CCDC180: variants seen among roughly 807,000 people sequenced by gnomAD.
CCDC180 encodes coiled-coil domain-containing protein 180.
In CCDC180, 154 loss-of-function variants were observed where a neutral mutation model predicts 209.2. The observed-to-expected ratio is 0.74, with a 90% CI of 0.65 to 0.84. The LOEUF (loss-of-function observed/expected upper bound fraction) is 0.84, where lower values mean the gene tolerates loss of function less well. Among genes scored for constraint, CCDC180 ranks in the 40% least tolerant of loss-of-function variants. The pLI is 0.00. For synonymous variants in CCDC180, 778 were observed against 749.1 expected (o/e 1.04, Z -0.63); for missense variants, 1,874 against 1,997.3 (o/e 0.94, Z 1.18).
intron 22 of CCDC180, 99 bp from the exon 23 acceptor site, chr9:97,354,470 G>C: frequency 1.7e-6 from 2 of 1,212,110 alleles, no homozygotes; most frequent in Admixed American, 3.9e-5. Context: ...ACTCTAACCG[G>C]AAGCCTAGAT....
chr9:97,322,136 A>G (rs902812580), intron 11 of CCDC180, among the ~76,000 whole-genome samples: 5 of 152,140 alleles, frequency 3.3e-5, no homozygotes, highest in Non-Finnish European at 5.9e-5. Context: ...AAGGGTGTGG[A>G]TACCTTGGCC....
At chr9:97,316,796 A>G (rs1355695795) in intron 8 of CCDC180, among the ~76,000 whole-genome samples, 1 of 152,178 alleles carries the variant, frequency 6.6e-6, no homozygotes. Flanking sequence ...AACCATCTGA[A>G]GTGACCTTGG....
rs139139121 is a variant in CCDC180 at position 97,374,604 on chromosome 9, C to G, written c.4662C>G (p.Ser1554=). ...TACGAAGGAAACTCGCTGGGCTCTC[C>G]CTGAAGGAAGAGAGTGAGAAACCCC... ...MLIRRKLAGL[S]LKEESEKPLI... is the part of the protein sequence containing the mutation. Residue 1554 remains serine (S), a synonymous_variant, in exon 35 of 37, where the codon TCC becomes TCG. Transcript: ENST00000529487. The G allele has an allele frequency of 5.1e-5, 82 of 1,613,994 alleles. No homozygotes were observed. The African/African-American group carries it at 9.6e-4, about 19-fold the overall frequency.
rs780391825 is a variant in CCDC180, at chr9:97,361,817, C to G, written c.3575C>G (p.Pro1192Arg). 2 of 1,614,192 alleles carry G rather than the reference C, an allele frequency of 1.2e-6. No homozygotes were observed. The highest frequency in any genetic ancestry group is 1.7e-6 in the Non-Finnish European group (2 of 1,180,034). The change falls in exon 27 of 37, where the codon CCT becomes CGT. Residue 1192 changes from proline to arginine, a missense_variant. By Grantham distance (103) the Pro-to-Arg change is moderately radical. Coordinates refer to ENST00000529487, the MANE Select transcript of CCDC180 (RefSeq NM_020893.6). The part of the protein sequence containing the change: ...EEEAKLDVVT[P>R]ESFTQLSRVG... ...GAGGCCAAGCTGGACGTGGTCACCCCTGAGTCCTTCACCCAGCTGAGCCGC... is the reference window on the plus strand; with the variant it reads ...GAGGCCAAGCTGGACGTGGTCACCCGTGAGTCCTTCACCCAGCTGAGCCGC...
chr9:97,367,710 A>G (rs989511219), intron 31 of CCDC180, among the ~76,000 whole-genome samples: 10 of 152,010 alleles, frequency 6.6e-5, no homozygotes, highest in East Asian at 3.9e-4. Context: ...CTGACCTCCA[A>G]TGGTCTGCCT....
chr9:97,363,992 C>G, intron 28 of CCDC180, 59 bp from the exon 29 acceptor site: 1 of 1,530,740 alleles, frequency 6.5e-7, no homozygotes, highest in Non-Finnish European at 9.0e-7. Flanking sequence ...CCTGCAGGCT[C>G]AGACCTGCCT....
In CCDC180 at chr9:97,320,141, C is replaced by G; in HGVS notation, c.1095C>G (p.Pro365=). Residue 365 remains proline (P), a synonymous_variant, in exon 11 of 37, where the codon CCC becomes CCG. Coordinates refer to ENST00000529487, the MANE Select transcript of CCDC180 (RefSeq NM_020893.6). ...TCCTTCCCAGTGACCTCCTGCCCCCCAGTTACAGCAAAACTCAGCTGACTG... is the reference window on the plus strand; with the variant it reads ...TCCTTCCCAGTGACCTCCTGCCCCCGAGTTACAGCAAAACTCAGCTGACTG... ...HLCTICDLLP[P]SYSKTQLTEW... The G allele has an allele frequency of 1.2e-6, 2 of 1,614,148 alleles. No individual in the cohort carries two copies. Among genetic ancestry groups the G allele is most frequent in the Non-Finnish European group, 1.7e-6 (2 of 1,180,024 alleles).
intron 5 of CCDC180, among the ~76,000 whole-genome samples, chr9:97,313,598 G>GA (rs905029441): frequency 6.6e-6 from 1 of 152,230 alleles, no homozygotes; most frequent in Non-Finnish European, 1.5e-5. Context: ...GAGGCCCAGA[G>GA]AGTCTCACCT....
intron 15 of CCDC180, among the ~76,000 whole-genome samples, chr9:97,327,817 T>G (rs764181165): frequency 6.6e-5 from 10 of 152,194 alleles, no homozygotes; most frequent in Non-Finnish European, 1.5e-4. Flanking sequence ...GAAAAGTCTC[T>G]TGTGTGTGTT....
In CCDC180 at chr9:97,354,715, T is replaced by C; in HGVS notation, c.3147+2T>C. 6.2e-7 allele frequency: 1 copy of C among 1,614,208 alleles called. No individual in the cohort carries two copies. The highest frequency in any genetic ancestry group is 8.5e-7 in the Non-Finnish European group (1 of 1,180,038). ...TTGGAGAATGAGTACCTGGACCAGG[T>C]AGGGCCCCCAGCCAGGCCCCAGGCC... is the stretch of plus-strand genomic sequence containing the variant. On this transcript the variant is annotated splice_donor_variant, in intron 23 of 36. Coordinates refer to ENST00000529487, the MANE Select transcript of CCDC180 (RefSeq NM_020893.6). LOFTEE classifies it high-confidence loss of function.
At chr9:97,368,607 A>G (rs1450544435) in intron 31 of CCDC180, among the ~76,000 whole-genome samples, 1 of 152,234 alleles carries the variant, frequency 6.6e-6, no homozygotes, top group African/African-American at 2.4e-5. Context: ...TTCTAAATTT[A>G]TGTTTAGATA....
At chr9:97,309,151 G>C (rs1055313944) in intron 2 of CCDC180, among the ~76,000 whole-genome samples, 1 of 152,124 alleles carries the variant, frequency 6.6e-6, no homozygotes, top group Non-Finnish European at 1.5e-5. Flanking sequence ...CCAATTTCTT[G>C]TGATTATAAA....
Position 97,328,180 on chromosome 9 carries a change from A to T in CCDC180, c.1788+34A>T, listed in dbSNP as rs376933157. On this transcript the variant is annotated intron_variant, in intron 16 of 36. Transcript: ENST00000529487. The stretch of plus-strand genomic sequence containing the variant: ...AGGGTGATGATACACCCAGCCACTC[A>T]TGAAGAAGCTAAGGGAGAGGCTGAC... The T allele has an allele frequency of 1.2e-5, 19 of 1,607,278 alleles. No individual in the cohort carries two copies. In the African/African-American group the frequency reaches 2.5e-4, roughly 21 times the overall value.
intron 18 of CCDC180, among the ~76,000 whole-genome samples, chr9:97,341,020 GTC>G (rs1826061857): frequency 6.6e-6 from 1 of 152,182 alleles, no homozygotes; most frequent in African/African-American, 2.4e-5. Context: ...AGTACTAAAA[GTC>G]TCTGATATGC....
Position 97,361,914 on chromosome 9 carries a change from G to A in CCDC180, c.3656+16G>A. On this transcript the variant is annotated intron_variant, in intron 27 of 36. Transcript: ENST00000529487. ...AGCTCCTGCAGTGAGTGGCCCCAGG[G>A]TGCACCTAAGGCTCTGCCACCCCTG... 6.2e-7 allele frequency: 1 copy of A among 1,612,566 alleles called. No homozygotes were observed. Among genetic ancestry groups the A allele is most frequent in the South Asian group, 1.1e-5 (1 of 90,920 alleles).
intron 11 of CCDC180, 144 bp downstream of exon 11, chr9:97,320,349 CA>C: frequency 1.4e-6 from 1 of 729,686 alleles, no homozygotes; most frequent in Non-Finnish European, 2.3e-6. Context: ...TCTGAGGGCT[CA>C]AAAGGCCCCC....
Position 97,336,142 on chromosome 9 carries a change from G to A in CCDC180, c.2274+5375G>A, listed in dbSNP as rs118041214. Among the ~76,000 whole-genome samples, 779 of 152,224 alleles carry A rather than the reference G, an allele frequency of 5.1e-3. 6 individuals carry two copies. The highest frequency in any genetic ancestry group is 8.6e-3 in the Non-Finnish European group (585 of 68,008). ...ATTCTGTAGGTTGCCTGTTTCTTTC[G>A]CTGTGCAGAAGCTCTTTAGTTTGAT... On this transcript the variant is annotated intron_variant, in intron 18 of 36. Coordinates refer to ENST00000529487, the MANE Select transcript of CCDC180 (RefSeq NM_020893.6).
chr9:97,322,455 A>G (rs1004119745), intron 11 of CCDC180, among the ~76,000 whole-genome samples: 7 of 152,250 alleles, frequency 4.6e-5, no homozygotes, highest in Non-Finnish European at 7.3e-5. Flanking sequence ...GCTTCTGTGC[A>G]TTCTGCTAGT....
rs1833507385 is a variant in CCDC180, at chr9:97,325,652, G to A, written c.1545+460G>A. The stretch of plus-strand genomic sequence containing the variant: ...ATGGGAAGTCTAATAAAAGCTTCAG[G>A]TGTGCCTTTCTATGTGCGGTTTCTC... On this transcript the variant is annotated intron_variant, in intron 14 of 36. Coordinates refer to ENST00000529487, the MANE Select transcript of CCDC180 (RefSeq NM_020893.6). Among the ~76,000 whole-genome samples the A allele has an allele frequency of 3.3e-5, 5 of 152,182 alleles. No individual in the cohort carries two copies. In the South Asian group the frequency reaches 1.0e-3, roughly 32 times the overall value.
Sources: gnomAD v4.1 joint callset for allele counts (sites outside exome capture counted in the v4.1 genomes callset) on GRCh38, gnomAD v4.1.1 for gene constraint, MANE v1.5 for transcripts, NCBI Gene and HGNC (gene_info 2026-07-23, HGNC 2026-07-21) for gene names.